Variants in ELP3 observed in about 807,000 individuals in gnomAD.
The protein encoded by ELP3 is elongator acetyltransferase complex subunit 3.
In ELP3, 56 loss-of-function variants were observed where a neutral mutation model predicts 74.9. The ratio of observed to expected loss-of-function variants is 0.75; its 90% CI spans 0.60 to 0.93. The LOEUF (loss-of-function observed/expected upper bound fraction) is 0.93, where lower values mean the gene tolerates loss of function less well. Ranked by LOEUF, ELP3 falls within the 40% of genes least tolerant of loss-of-function variation. The probability of loss-of-function intolerance (pLI) is 0.00; values close to 1 mark genes in which losing one functional copy is unlikely to be tolerated. For missense variants in ELP3, 573 were observed against 686.5 expected (o/e 0.83, Z 1.85); for synonymous variants, 222 against 239.8 (o/e 0.93, Z 0.68).
chr8:28,105,066 C>G (rs1319429800), intron 3 of ELP3, among the ~76,000 whole-genome samples: 1 of 152,142 alleles, frequency 6.6e-6, no homozygotes, highest in Non-Finnish European at 1.5e-5. Context: ...TGAGCAGTTT[C>G]TAGCTTTCTA....
chr8:28,133,886 T>TA (rs11442515), intron 9 of ELP3, among the ~76,000 whole-genome samples: 63,104 of 151,844 alleles, frequency 0.42, 13,311 homozygotes, highest in East Asian at 0.56. Context: ...CTCCCCTCAG[T>TA]AACTAATAGC....
chr8:28,098,021 C>T (rs1386400039), intron 2 of ELP3, among the ~76,000 whole-genome samples: 1 of 152,182 alleles, frequency 6.6e-6, no homozygotes, highest in Non-Finnish European at 1.5e-5. Flanking sequence ...TCCTTCCCTA[C>T]TGTCTCAGCT....
At chr8:28,100,228 A>G (rs1811422418) in intron 3 of ELP3, among the ~76,000 whole-genome samples, 1 of 152,256 alleles carries the variant, frequency 6.6e-6, no homozygotes, top group African/African-American at 2.4e-5. Flanking sequence ...GACAATCATA[A>G]CAGGATAAAT....
intron 12 of ELP3, among the ~76,000 whole-genome samples, chr8:28,159,968 CTCTGTAAGAG>C (rs1814002137): frequency 1.3e-5 from 2 of 152,200 alleles, no homozygotes; most frequent in South Asian, 4.1e-4. Flanking sequence ...TGAGCTGGAT[CTCTGTAAGAG>C]TCTCAAGGTT....
chr8:28,135,638 G>T (rs1356048243), intron 9 of ELP3, among the ~76,000 whole-genome samples: 1 of 152,158 alleles, frequency 6.6e-6, no homozygotes, highest in Admixed American at 6.5e-5. Context: ...GCCTGTTCGG[G>T]AAAGGCTAAG....
chr8:28,130,017 A>G (rs983295998), intron 8 of ELP3, among the ~76,000 whole-genome samples: 1 of 152,214 alleles, frequency 6.6e-6, no homozygotes, highest in Non-Finnish European at 1.5e-5. Context: ...TAAAAAGGAC[A>G]TCAGGGTAAT....
chr8:28,137,799 A>C lies in ELP3; in HGVS notation c.1008A>C (p.Arg336Ser). 2 of 1,614,122 alleles carry C rather than the reference A, an allele frequency of 1.2e-6. No individual in the cohort carries two copies. Among genetic ancestry groups the C allele is most frequent in the South Asian group, 1.1e-5 (1 of 91,074 alleles). ...TTTATGAGCTTTGGAAATCAGGAAGATATAAGAGTTACTCTCCTAGTGACC... is the reference window on the plus strand; with the variant it reads ...TTTATGAGCTTTGGAAATCAGGAAGCTATAAGAGTTACTCTCCTAGTGACC... ...TGLYELWKSGRYKSYSPSDLV... is the reference protein window; with the variant it reads ...TGLYELWKSGSYKSYSPSDLV... Residue 336 changes from arginine to serine, a missense_variant, in exon 10 of 15, where the codon AGA becomes AGC. By Grantham distance (110) the Arg-to-Ser change is moderately radical (BLOSUM62 -1). Transcript: ENST00000256398.
intron 14 of ELP3, among the ~76,000 whole-genome samples, chr8:28,171,636 T>G (rs1032529355): frequency 1.3e-5 from 2 of 152,162 alleles, no homozygotes; most frequent in African/African-American, 4.8e-5. Context: ...ATACTTTCCT[T>G]TGATGCACAA....
chr8:28,093,409 G>C, intron 1 of ELP3, 176 bp downstream of exon 1: 1 of 778,278 alleles, frequency 1.3e-6, no homozygotes, highest in Non-Finnish European at 2.0e-6. Context: ...TTCCTGTTTT[G>C]CTTTTTGAAG....
intron 7 of ELP3, among the ~76,000 whole-genome samples, chr8:28,114,091 C>T (rs548382053): frequency 9.3e-4 from 142 of 151,902 alleles, no homozygotes; most frequent in African/African-American, 3.3e-3. Context: ...GTTGCAGGAA[C>T]ACCTGGATAG....
intron 14 of ELP3, among the ~76,000 whole-genome samples, chr8:28,164,350 A>G (rs777081797): frequency 7.2e-5 from 11 of 152,210 alleles, no homozygotes; most frequent in Non-Finnish European, 1.5e-4. Context: ...GCTCAATTTC[A>G]GATCATCTGC....
At chr8:28,163,524 CTT>C (rs3081780) in intron 14 of ELP3, among the ~76,000 whole-genome samples, 78,663 of 137,692 alleles carry the variant, frequency 0.57, 22,370 homozygotes, top group East Asian at 0.86. Flanking sequence ...ATTCCTAAAG[CTT>C]TTTTTTTTTT....
rs773464578 is a variant in ELP3 at position 28,099,949 on chromosome 8, A to G, written c.241A>G (p.Ile81Val). The change falls in exon 3 of 15, where the codon ATC (isoleucine) becomes GTC (valine). Residue 81 changes from isoleucine to valine, a missense_variant. By Grantham distance (29) the Ile-to-Val change is conservative. Transcript: ENST00000256398. ...VLMPKLKAKP[I>V]RTASGIAVVA... ...GATGCCCAAGTTAAAGGCGAAACCCATCAGAACTGCTAGTGGGGTGAGTGA... is the reference window on the plus strand; with the variant it reads ...GATGCCCAAGTTAAAGGCGAAACCCGTCAGAACTGCTAGTGGGGTGAGTGA... 8 of 1,614,178 alleles carry G rather than the reference A, an allele frequency of 5.0e-6. No homozygotes were observed. Among genetic ancestry groups the G allele is most frequent in the Non-Finnish European group, 6.8e-6 (8 of 1,180,028 alleles).
At chr8:28,126,162 G>A (rs1812569983) in intron 7 of ELP3, among the ~76,000 whole-genome samples, 1 of 152,056 alleles carries the variant, frequency 6.6e-6, no homozygotes, top group South Asian at 2.1e-4. Context: ...GTGTGGGCAG[G>A]GTGCTTGGGA....
intron 7 of ELP3, among the ~76,000 whole-genome samples, chr8:28,126,667 G>T (rs920345994): frequency 2.0e-5 from 3 of 152,182 alleles, no homozygotes; most frequent in Non-Finnish European, 2.9e-5. Flanking sequence ...GGCTGTCTAA[G>T]TGGCACATAC....
At chr8:28,120,133 TAA>T (rs1812311502) in intron 7 of ELP3, among the ~76,000 whole-genome samples, 1 of 152,226 alleles carries the variant, frequency 6.6e-6, no homozygotes, top group Non-Finnish European at 1.5e-5. Context: ...AATTGCTATG[TAA>T]GTTTAGTTTT....
chr8:28,151,523 G>A (rs964318011), intron 10 of ELP3, among the ~76,000 whole-genome samples: 1 of 152,134 alleles, frequency 6.6e-6, no homozygotes, highest in Non-Finnish European at 1.5e-5. Flanking sequence ...GACATATAAT[G>A]TTCTAGGTAA....
chr8:28,145,645 C>T (rs948097703), intron 10 of ELP3, among the ~76,000 whole-genome samples: 28 of 152,006 alleles, frequency 1.8e-4, no homozygotes, highest in Admixed American at 3.9e-4. Flanking sequence ...TGTTTTGAGA[C>T]GAAGTCTAAC....
chr8:28,121,359 GC>G (rs1812365129), intron 7 of ELP3, among the ~76,000 whole-genome samples: 1 of 141,830 alleles, frequency 7.1e-6, no homozygotes, highest in African/African-American at 2.6e-5. Context: ...TTGCTCTGTC[GC>G]CCAGGCTGGA....
Sources: gnomAD v4.1 joint callset for allele counts (sites outside exome capture counted in the v4.1 genomes callset) on GRCh38, gnomAD v4.1.1 for gene constraint, MANE v1.5 for transcripts, NCBI Gene and HGNC (gene_info 2026-07-23, HGNC 2026-07-21) for gene names.